The following KHDRBS2 variants were observed in gnomAD, a reference collection of about 807,000 sequenced individuals.
KHDRBS2 encodes KH RNA binding domain containing, signal transduction associated 2, also known as KH domain-containing, RNA-binding, signal transduction-associated protein 2.
Under a neutral mutation model 44.3 loss-of-function variants are expected in KHDRBS2, and 26 were observed. The ratio of observed to expected loss-of-function variants is 0.59; its 90% confidence interval spans 0.43 to 0.81. The LOEUF (loss-of-function observed/expected upper bound fraction) is 0.81, where lower values mean the gene tolerates loss of function less well. KHDRBS2 is among the 40% of genes least tolerant of loss of function. KHDRBS2 has a pLI of 0.00. For missense variants in KHDRBS2, 476 were observed against 433.1 expected, an observed-to-expected ratio of 1.10 and a Z score of -0.88; for synonymous variants, 194 against 151.1, an observed-to-expected ratio of 1.28 and a Z score of -2.08.
the KHDRBS2 span, among the ~76,000 whole-genome samples, chr6:61,563,560 T>C: frequency 6.6e-6 from 1 of 152,100 alleles, no homozygotes; most frequent in Admixed American, 6.6e-5. Flanking sequence ...ACAATTTAGC[T>C]TATTAATGAA....
intron 2 of KHDRBS2, among the ~76,000 whole-genome samples, chr6:62,154,350 AT>A (rs1469244842): frequency 6.6e-6 from 1 of 152,134 alleles, no homozygotes; most frequent in African/African-American, 2.4e-5. Flanking sequence ...CCTAGTCTGG[AT>A]TTGAGTAGAA....
intron 4 of KHDRBS2, among the ~76,000 whole-genome samples, chr6:61,977,516 G>A (rs1772921163): frequency 1.3e-5 from 2 of 151,914 alleles, no homozygotes; most frequent in Non-Finnish European, 2.9e-5. Flanking sequence ...TCCAATTTTT[G>A]TTTAAAGTCA....
At chr6:62,049,005 G>T (rs1367920631) in intron 2 of KHDRBS2, among the ~76,000 whole-genome samples, 15 of 148,772 alleles carry the variant, frequency 1.0e-4, no homozygotes, top group African/African-American at 2.7e-4. Flanking sequence ...TTTTCTTTCT[G>T]CCATAATCCC....
chr6:61,654,348 G>A, the KHDRBS2 span, among the ~76,000 whole-genome samples: 1 of 152,034 alleles, frequency 6.6e-6, no homozygotes, highest in African/African-American at 2.4e-5. Flanking sequence ...ATATAGTGCA[G>A]ACTCAAGGTA....
intron 6 of KHDRBS2, among the ~76,000 whole-genome samples, chr6:61,740,214 T>C (rs904367069): frequency 2.0e-5 from 3 of 151,860 alleles, no homozygotes; most frequent in African/African-American, 7.3e-5. Context: ...TAAATAAATG[T>C]TTTTCAGATT....
intron 1 of KHDRBS2, among the ~76,000 whole-genome samples, chr6:62,243,953 G>T (rs1443364337): frequency 3.3e-5 from 5 of 151,828 alleles, no homozygotes; most frequent in East Asian, 1.9e-4. Flanking sequence ...GTCTTTTTTT[G>T]AATTTTCTAG....
At chr6:62,091,244 C>A (rs1470930462) in intron 2 of KHDRBS2, among the ~76,000 whole-genome samples, 3 of 151,878 alleles carry the variant, frequency 2.0e-5, no homozygotes, top group African/African-American at 7.3e-5. Context: ...GTCACTGAGT[C>A]CATACATGTA....
intron 2 of KHDRBS2, among the ~76,000 whole-genome samples, chr6:62,127,094 G>T (rs1809150143): frequency 6.6e-6 from 1 of 152,126 alleles, no homozygotes; most frequent in African/African-American, 2.4e-5. Flanking sequence ...CTAAATAGAA[G>T]AATTTAATTT....
intron 2 of KHDRBS2, among the ~76,000 whole-genome samples, chr6:62,069,895 A>T (rs1433373268): frequency 6.6e-6 from 1 of 151,752 alleles, no homozygotes; most frequent in Non-Finnish European, 1.5e-5. Flanking sequence ...ATAGTAGTAA[A>T]TGATAAAGTA....
rs113669567 is a variant in KHDRBS2, at chr6:61,901,995, G to A, written c.484-624C>T. 9.8e-3 allele frequency among the ~76,000 whole-genome samples: 1,495 copies of A among 151,830 alleles called. 12 individuals are homozygous for A. The highest frequency in any genetic ancestry group is 0.017 in the Middle Eastern group (5 of 294). The stretch of plus-strand genomic sequence containing the variant: ...ACTTTTTTGAGACACAGTCTCTGTC[G>A]CCCACGCTGGAGTACAGTGGCATGA... On this transcript the variant is annotated intron_variant, in intron 4 of 8. Transcript: ENST00000281156.
chr6:62,025,737 A>G (rs1270415864), intron 3 of KHDRBS2, among the ~76,000 whole-genome samples: 1 of 151,932 alleles, frequency 6.6e-6, no homozygotes, highest in Admixed American at 6.6e-5. Context: ...TTGGTCCTCA[A>G]TATCATTTAT....
At chr6:61,888,813 G>A (rs879883989) in intron 6 of KHDRBS2, among the ~76,000 whole-genome samples, 12 of 151,676 alleles carry the variant, frequency 7.9e-5, no homozygotes, top group Non-Finnish European at 1.3e-4. Flanking sequence ...CACCCACCCC[G>A]GCCTCCCAAA....
At chr6:61,742,395 C>T (rs1281769177) in intron 6 of KHDRBS2, among the ~76,000 whole-genome samples, 2 of 151,768 alleles carry the variant, frequency 1.3e-5, no homozygotes, top group African/African-American at 4.8e-5. Context: ...CTGTACAATG[C>T]CAATATTTTG....
the KHDRBS2 span, among the ~76,000 whole-genome samples, chr6:61,571,571 A>G: frequency 1.3e-5 from 2 of 152,124 alleles, no homozygotes; most frequent in Non-Finnish European, 2.9e-5. Context: ...GACTTAACAG[A>G]CGTTTACAGA....
At chr6:61,889,939 A>G (rs952977490) in intron 6 of KHDRBS2, among the ~76,000 whole-genome samples, 1 of 152,220 alleles carries the variant, frequency 6.6e-6, no homozygotes, top group Non-Finnish European at 1.5e-5. Context: ...CCAATTGGCC[A>G]AGACCCTCAA....
At chr6:61,583,768 T>C in the KHDRBS2 span, among the ~76,000 whole-genome samples, 10 of 151,688 alleles carry the variant, frequency 6.6e-5, no homozygotes, top group Non-Finnish European at 7.4e-5. Flanking sequence ...ATATTTTTAT[T>C]GAACCTGTAC....
In KHDRBS2 at chr6:62,018,299, ATGTGTGTGTG is replaced by A. The variant is rs57360690; in HGVS notation, c.336+29569_336+29578del. Among the ~76,000 whole-genome samples the A allele has an allele frequency of 3.2e-3, 468 of 146,224 alleles. 7 individuals carry two copies. The highest frequency in any genetic ancestry group is 6.7e-3 in the African/African-American group (265 of 39,470). ...GTATATTCACACACTATATATATAT[ATGTGTGTGTG>A]TGTGTGTGTGTGTGTGTGTGTGTGT... On this transcript the variant is annotated intron_variant, in intron 3 of 8. Transcript: ENST00000281156.
intron 3 of KHDRBS2, among the ~76,000 whole-genome samples, chr6:62,008,140 A>C (rs547902914): frequency 6.6e-5 from 10 of 152,334 alleles, no homozygotes; most frequent in South Asian, 6.2e-4. Context: ...AAAAGTTCTC[A>C]TTAAGGAAGA....
At chr6:62,010,613 A>T (rs1320706960) in intron 3 of KHDRBS2, among the ~76,000 whole-genome samples, 2 of 152,086 alleles carry the variant, frequency 1.3e-5, no homozygotes, top group East Asian at 3.9e-4. Context: ...GAGATGACTG[A>T]ATTATGGGAG....
Sources: allele counts gnomAD v4.1 joint callset (sites outside exome capture counted in the v4.1 genomes callset), GRCh38; gene constraint gnomAD v4.1.1; transcripts MANE v1.5; gene names NCBI Gene and HGNC (gene_info 2026-07-23, HGNC 2026-07-21).